The following ABCC4 variants were observed in gnomAD, a reference collection of about 807,000 sequenced individuals.
ABCC4 encodes the protein ATP binding cassette subfamily C member 4 (PEL blood group).
A neutral mutation model predicts 168.5 loss-of-function variants in ABCC4; 102 were observed. The ratio of observed to expected loss-of-function variants is 0.61; its 90% CI spans 0.52 to 0.71. The LOEUF (loss-of-function observed/expected upper bound fraction) is 0.71, where lower values mean the gene tolerates loss of function less well. Ranked by LOEUF, ABCC4 falls within the 30% of genes least tolerant of loss-of-function variation. The probability of loss-of-function intolerance (pLI) is 0.00; values close to 1 mark genes in which losing one functional copy is unlikely to be tolerated. For synonymous variants in ABCC4, 617 were observed against 590.7 expected, an observed-to-expected ratio of 1.04 and a Z score of -0.65; for missense variants, 1,402 against 1,605.8, an observed-to-expected ratio of 0.87 and a Z score of 2.17.
chr13:95,106,637 T>C (rs1402144365), intron 20 of ABCC4, among the ~76,000 whole-genome samples: 1 of 152,036 alleles, frequency 6.6e-6, no homozygotes, highest in Non-Finnish European at 1.5e-5. Context: ...ACATTTTACA[T>C]GTGAAAAGAG....
At chr13:95,137,698 G>A (rs368074529) in intron 19 of ABCC4, among the ~76,000 whole-genome samples, 1 of 152,142 alleles carries the variant, frequency 6.6e-6, no homozygotes, top group South Asian at 2.1e-4. Context: ...GGGTTCTTCA[G>A]GCCCCATCCA....
At chr13:95,094,333 C>T (rs1227782629) in intron 20 of ABCC4, among the ~76,000 whole-genome samples, 3 of 152,100 alleles carry the variant, frequency 2.0e-5, no homozygotes, top group African/African-American at 4.8e-5. Flanking sequence ...AAAATAGGCA[C>T]ACAGACCAAT....
Position 95,301,241 on chromosome 13 carries a change from C to A in ABCC4, c.74G>T (p.Trp25Leu). 1 of 1,590,372 alleles carries A rather than the reference C, an allele frequency of 6.3e-7. No homozygotes were observed. The highest frequency in any genetic ancestry group is 2.3e-5 in the East Asian group (1 of 42,672). ...DANLCSRVFF[W>L]WLNPLFKIGH... The stretch of plus-strand genomic sequence containing the variant: ...ACCTGTTTCGGGCGGGGACACTCAC[C>A]AGAAGAACACGCGTGAGCAGAGGTT... The change falls in exon 1 of 31, where the codon TGG becomes TTG. Residue 25 changes from tryptophan (W) to leucine (L), a missense_variant and splice_region_variant. Physicochemically the swap from Trp to Leu is moderately conservative, Grantham distance 61. Transcript: ENST00000645237.
intron 26 of ABCC4, among the ~76,000 whole-genome samples, chr13:95,054,595 A>C (rs2032985649): frequency 6.6e-6 from 1 of 152,154 alleles, no homozygotes; most frequent in Non-Finnish European, 1.5e-5. Context: ...TTCTTCTGGA[A>C]GGCTCTAATA....
At chr13:95,066,675 A>C (rs1386978059) in intron 25 of ABCC4, among the ~76,000 whole-genome samples, 1 of 152,208 alleles carries the variant, frequency 6.6e-6, no homozygotes, top group Non-Finnish European at 1.5e-5. Flanking sequence ...AGGCTTAGTA[A>C]GATTGATTAA....
At chr13:95,106,340 C>A (rs965661082) in intron 20 of ABCC4, among the ~76,000 whole-genome samples, 1 of 150,170 alleles carries the variant, frequency 6.7e-6, no homozygotes, top group Non-Finnish European at 1.5e-5. Context: ...CGTGTGTGTG[C>A]GTATATATGT....
intron 1 of ABCC4, among the ~76,000 whole-genome samples, chr13:95,251,660 T>C (rs936892374): frequency 2.0e-5 from 3 of 152,128 alleles, no homozygotes; most frequent in Non-Finnish European, 4.4e-5. Context: ...ATCCAGGAGG[T>C]AAGCGAGAAG....
chr13:95,285,936 C>T (rs183832948), intron 1 of ABCC4, among the ~76,000 whole-genome samples: 75 of 152,126 alleles, frequency 4.9e-4, no homozygotes, highest in Non-Finnish European at 9.9e-4. Context: ...CCAGTCAAGA[C>T]GTGGCAACTG....
chr13:95,080,885 C>G (rs1022045904), intron 21 of ABCC4, among the ~76,000 whole-genome samples: 4 of 152,158 alleles, frequency 2.6e-5, no homozygotes, highest in Non-Finnish European at 5.9e-5. Flanking sequence ...TGGATTATGC[C>G]TCCCTGCCAC....
chr13:95,186,295 T>TA (rs2038055740), intron 11 of ABCC4, among the ~76,000 whole-genome samples: 1 of 151,950 alleles, frequency 6.6e-6, no homozygotes, highest in Admixed American at 6.6e-5. Context: ...AGAATCTGGG[T>TA]TGGGGGTGGA....
At chr13:95,243,812 G>A (rs1229986940) in intron 3 of ABCC4, among the ~76,000 whole-genome samples, 1 of 151,870 alleles carries the variant, frequency 6.6e-6, no homozygotes, top group Non-Finnish European at 1.5e-5. Context: ...TTGAGCCCAG[G>A]GAGATGGAGG....
intron 11 of ABCC4, 128 bp downstream of exon 11, chr13:95,186,573 G>T: frequency 1.3e-6 from 1 of 760,758 alleles, no homozygotes; most frequent in Non-Finnish European, 2.0e-6. Context: ...TGGGAGGACC[G>T]CCTTAAAGTA....
At chr13:95,262,636 T>A (rs1287046802) in intron 1 of ABCC4, among the ~76,000 whole-genome samples, 5 of 151,830 alleles carry the variant, frequency 3.3e-5, no homozygotes, top group Admixed American at 1.3e-4. Flanking sequence ...TTAGACTTTT[T>A]TTTTTTTTTT....
At position 95,020,047 on chromosome 13, in the gene ABCC4, A is replaced by G. The variant is rs538594964; in HGVS notation, c.*1528T>C. ...GTCACCTAAAATACGAACCATGACT[A>G]TTAATAAACATTTACTGTGTGTGGT... On this transcript the variant is annotated 3_prime_UTR_variant, in exon 31 of 31. Transcript: ENST00000645237. 19 of 152,358 alleles carry G rather than the reference A, an allele frequency of 1.2e-4. No individual in the cohort carries two copies. Among genetic ancestry groups the G allele is most frequent in the African/African-American group, 4.3e-4 (18 of 41,582 alleles). 9.4% of individuals were successfully genotyped at this position (152,358 alleles called of 1,614,324 possible).
chr13:95,206,832 G>T, intron 7 of ABCC4, 51 bp from the exon 8 acceptor site: 1 of 1,596,102 alleles, frequency 6.3e-7, no homozygotes, highest in Non-Finnish European at 8.6e-7. Context: ...ACCAGATAAA[G>T]TGGCTCACGC....
intron 11 of ABCC4, among the ~76,000 whole-genome samples, chr13:95,179,870 C>T (rs1012163415): frequency 6.6e-6 from 1 of 152,096 alleles, no homozygotes; most frequent in Non-Finnish European, 1.5e-5. Flanking sequence ...TACAAAATAT[C>T]CTGGAGAAAC....
chr13:95,161,597 T>C (rs184879192), intron 18 of ABCC4, among the ~76,000 whole-genome samples: 7 of 152,320 alleles, frequency 4.6e-5, no homozygotes, highest in Admixed American at 4.6e-4. Flanking sequence ...TCTAATTCAA[T>C]TGCAAGTTCT....
intron 1 of ABCC4, among the ~76,000 whole-genome samples, chr13:95,273,625 G>A (rs1488060725): frequency 6.7e-6 from 1 of 149,788 alleles, no homozygotes; most frequent in Non-Finnish European, 1.5e-5. Context: ...TCTTCCTGCT[G>A]GCTCCAGGTT....
At chr13:95,255,632 C>T (rs1319831528) in intron 1 of ABCC4, among the ~76,000 whole-genome samples, 1 of 152,170 alleles carries the variant, frequency 6.6e-6, no homozygotes, top group Non-Finnish European at 1.5e-5. Context: ...ACGTTCCTCC[C>T]TTCCTAAAAC....
Sources: gnomAD v4.1 joint callset for allele counts (sites outside exome capture counted in the v4.1 genomes callset) on GRCh38, gnomAD v4.1.1 for gene constraint, MANE v1.5 for transcripts, NCBI Gene and HGNC (gene_info 2026-07-23, HGNC 2026-07-21) for gene names.